Variants in ASIC2 observed in about 807,000 individuals in gnomAD.
ASIC2 encodes acid-sensing ion channel 2.
ASIC2 carries 25 observed loss-of-function variants against 57.3 expected under a neutral mutation model. The observed-to-expected ratio is 0.44, with a 90% CI of 0.32 to 0.61. The LOEUF (loss-of-function observed/expected upper bound fraction) is 0.61. Ranked by LOEUF, ASIC2 falls within the 20% of genes least tolerant of loss-of-function variation. ASIC2 has a pLI of 0.06. For missense variants in ASIC2, 641 were observed against 738.1 expected (o/e 0.87, Z 1.52); for synonymous variants, 319 against 307.5 (o/e 1.04, Z -0.39).
At chr17:33,297,167 G>A (rs1905752057), upstream of ASIC2, among the ~76,000 whole-genome samples, 1 of 152,226 alleles carries the variant, frequency 6.6e-6, no homozygotes, top group Non-Finnish European at 1.5e-5. Flanking sequence ...TGCTAGTGAA[G>A]TCCTCAAGAC....
At chr17:33,861,225 G>A (rs1176054448) in intron 1 of ASIC2, among the ~76,000 whole-genome samples, 2 of 152,148 alleles carry the variant, frequency 1.3e-5, no homozygotes, top group Non-Finnish European at 1.5e-5. Flanking sequence ...GGGAAAGCAG[G>A]TAGTTATTAA....
At position 34,031,929 on chromosome 17, in the gene ASIC2, A is replaced by C. The variant is rs141854062; in HGVS notation, c.555+124049T>G. ...ACGGGGAGAATGGAACCAAGTTGGAAAACACTCTGCAGGATATTATCCAGG... is the reference window on the plus strand; with the variant it reads ...ACGGGGAGAATGGAACCAAGTTGGACAACACTCTGCAGGATATTATCCAGG... On this transcript the variant is annotated intron_variant, in intron 1 of 9. Coordinates refer to the ASIC2 transcript ENST00000359872. Among the ~76,000 whole-genome samples, 544 of 152,340 alleles carry C rather than the reference A, an allele frequency of 3.6e-3. 5 individuals are homozygous for C. Among genetic ancestry groups the C allele is most frequent in the African/African-American group, 0.013 (521 of 41,578 alleles).
intron 1 of ASIC2, among the ~76,000 whole-genome samples, chr17:33,332,381 T>C (rs1907347019): frequency 6.6e-6 from 1 of 152,230 alleles, no homozygotes; most frequent in South Asian, 2.1e-4. Flanking sequence ...CATTTCAACG[T>C]GTAATAAACA....
chr17:33,172,215 C>T (rs772983186), intron 1 of ASIC2, among the ~76,000 whole-genome samples: 1 of 152,132 alleles, frequency 6.6e-6, no homozygotes, highest in Non-Finnish European at 1.5e-5. Context: ...CCTATACTCC[C>T]AAATGATCAT....
intron 1 of ASIC2, among the ~76,000 whole-genome samples, chr17:33,155,325 T>G (rs1904958544): frequency 6.6e-6 from 1 of 152,270 alleles, no homozygotes; most frequent in Admixed American, 6.5e-5. Flanking sequence ...ATGCCAGGAC[T>G]CTTGGATTTG....
chr17:33,631,703 A>C (rs1906177595), intron 1 of ASIC2, among the ~76,000 whole-genome samples: 3 of 152,024 alleles, frequency 2.0e-5, no homozygotes, highest in African/African-American at 7.2e-5. Flanking sequence ...ATGAAGGGGA[A>C]GGGGGAGTCA....
chr17:33,840,620 G>C (rs1237876914), intron 1 of ASIC2, among the ~76,000 whole-genome samples: 2 of 152,166 alleles, frequency 1.3e-5, no homozygotes, highest in East Asian at 3.9e-4. Flanking sequence ...ACCACTCCAA[G>C]TGGAAAATTG....
At chr17:33,320,230 T>A (rs1020486137) in intron 1 of ASIC2, among the ~76,000 whole-genome samples, 2 of 152,200 alleles carry the variant, frequency 1.3e-5, no homozygotes, top group Non-Finnish European at 2.9e-5. Flanking sequence ...TATAAAATCC[T>A]CTTGTAAATT....
chr17:33,199,067 A>C (rs748048397), intron 1 of ASIC2, among the ~76,000 whole-genome samples: 29 of 152,224 alleles, frequency 1.9e-4, no homozygotes, highest in Non-Finnish European at 3.4e-4. Flanking sequence ...TAAGTCTGTT[A>C]ACGAATACCT....
chr17:33,468,590 T>C (rs1292335873), intron 1 of ASIC2, among the ~76,000 whole-genome samples: 1 of 152,120 alleles, frequency 6.6e-6, no homozygotes, highest in Non-Finnish European at 1.5e-5. Flanking sequence ...TTTATAATTA[T>C]GATGTAACTC....
intron 1 of ASIC2, among the ~76,000 whole-genome samples, chr17:33,212,104 G>A (rs1002273716): frequency 6.6e-6 from 1 of 152,194 alleles, no homozygotes; most frequent in Non-Finnish European, 1.5e-5. Flanking sequence ...CCCAATCTTT[G>A]AATTACATTT....
At chr17:33,447,235 G>A (rs563520049) in intron 1 of ASIC2, among the ~76,000 whole-genome samples, 2 of 152,086 alleles carry the variant, frequency 1.3e-5, no homozygotes, top group South Asian at 2.1e-4. Flanking sequence ...GTGGGTGGCC[G>A]GACCTGATGG....
At chr17:33,809,348 G>A (rs1371658483) in intron 1 of ASIC2, among the ~76,000 whole-genome samples, 1 of 152,210 alleles carries the variant, frequency 6.6e-6, no homozygotes, top group Non-Finnish European at 1.5e-5. Flanking sequence ...GGTAGTGGTT[G>A]CTTCAGGACC....
intron 1 of ASIC2, among the ~76,000 whole-genome samples, chr17:33,574,417 G>A (rs777880792): frequency 6.6e-6 from 1 of 152,124 alleles, no homozygotes; most frequent in South Asian, 2.1e-4. Flanking sequence ...ATTTATAGCA[G>A]GGTTTCTTAG....
intron 3 of ASIC2, among the ~76,000 whole-genome samples, chr17:33,071,452 A>G (rs951303332): frequency 1.1e-4 from 16 of 152,192 alleles, no homozygotes; most frequent in Admixed American, 2.0e-4. Context: ...AATGTATTCC[A>G]TGTCCATCCT....
chr17:33,563,456 A>G (rs1219367900), intron 1 of ASIC2, among the ~76,000 whole-genome samples: 1 of 152,188 alleles, frequency 6.6e-6, no homozygotes, highest in Non-Finnish European at 1.5e-5. Context: ...AGGCATCTGT[A>G]AAAATGTATA....
At chr17:33,309,703 C>A (rs1906329188) in intron 1 of ASIC2, among the ~76,000 whole-genome samples, 1 of 151,930 alleles carries the variant, frequency 6.6e-6, no homozygotes, top group Non-Finnish European at 1.5e-5. Context: ...CCGTGTCCAT[C>A]CCTTAAAACC....
intron 1 of ASIC2, among the ~76,000 whole-genome samples, chr17:34,095,534 T>A (rs1910485969): frequency 6.6e-6 from 1 of 150,674 alleles, no homozygotes; most frequent in Admixed American, 6.6e-5. Context: ...TCCATGATGC[T>A]TTATTTTAAT....
intron 1 of ASIC2, among the ~76,000 whole-genome samples, chr17:34,086,723 C>T (rs1313161901): frequency 1.3e-5 from 2 of 152,120 alleles, no homozygotes; most frequent in African/African-American, 4.8e-5. Flanking sequence ...CTGGGTGCTC[C>T]TGTATTGGGT....
Sources: gnomAD v4.1 joint callset for allele counts (sites outside exome capture counted in the v4.1 genomes callset) on GRCh38, gnomAD v4.1.1 for gene constraint, MANE v1.5 for transcripts, NCBI Gene and HGNC (gene_info 2026-07-23, HGNC 2026-07-21) for gene names.